BICDL1: variants seen among roughly 807,000 people sequenced by gnomAD.
BICDL1 encodes BICD family like cargo adaptor 1.
A neutral mutation model predicts 76.8 loss-of-function variants in BICDL1; 20 were observed. That is an observed-to-expected ratio of 0.26 (90% CI 0.18 to 0.38). BICDL1 has a LOEUF of 0.38. Ranked by LOEUF, BICDL1 falls within the 10% of genes least tolerant of loss-of-function variation. The pLI is 1.00. For missense variants in BICDL1, 700 were observed against 798.6 expected (o/e 0.88, Z 1.49); for synonymous variants, 383 against 337.1 (o/e 1.14, Z -1.49).
chr12:120,058,752 G>A (rs989764724), intron 2 of BICDL1, among the ~76,000 whole-genome samples: 4 of 151,698 alleles, frequency 2.6e-5, no homozygotes, highest in Non-Finnish European at 2.9e-5. Flanking sequence ...CACCACGCCC[G>A]CCTTATTTTT....
At chr12:120,069,044 T>G (rs1299778015) in intron 4 of BICDL1, among the ~76,000 whole-genome samples, 1 of 152,128 alleles carries the variant, frequency 6.6e-6, no homozygotes, top group Non-Finnish European at 1.5e-5. Context: ...TTTTCTAAGC[T>G]TCAGTTTTAT....
chr12:120,084,248 C>T lies in BICDL1; in HGVS notation c.1583+3231C>T, dbSNP rs545875697. Among the ~76,000 whole-genome samples the T allele has an allele frequency of 1.3e-3, 202 of 152,064 alleles. 2 individuals carry two copies. Among genetic ancestry groups the T allele is most frequent in the Non-Finnish European group, 2.2e-3 (150 of 67,976 alleles). ...CGATCTCCTGACCTTGTGAACCACC[C>T]GCCCTGGCCTCCCAAAGTGCTGGGA... On this transcript the variant is annotated intron_variant, in intron 8 of 9. Coordinates refer to ENST00000548673, the MANE Select transcript of BICDL1 (RefSeq NM_001367886.1).
chr12:120,044,890 G>T (rs1236519070), intron 2 of BICDL1, among the ~76,000 whole-genome samples: 1 of 152,110 alleles, frequency 6.6e-6, no homozygotes, highest in Non-Finnish European at 1.5e-5. Context: ...GGCGATGCGG[G>T]CTCTTTTTTG....
At chr12:120,003,478 C>T (rs1345756047) in intron 2 of BICDL1, among the ~76,000 whole-genome samples, 1 of 152,186 alleles carries the variant, frequency 6.6e-6, no homozygotes, top group Non-Finnish European at 1.5e-5. Context: ...TCCATGTACT[C>T]TTTAGAAGTG....
chr12:120,091,348 G>C, intron 9 of BICDL1: 3 of 1,000,792 alleles, frequency 3.0e-6, no homozygotes, highest in Non-Finnish European at 3.6e-6. Flanking sequence ...ATTGCTTAAA[G>C]TTAAAAAAAT....
intron 2 of BICDL1, among the ~76,000 whole-genome samples, chr12:120,025,600 T>C (rs1303319463): frequency 1.3e-5 from 2 of 152,212 alleles, no homozygotes; most frequent in Admixed American, 6.5e-5. Context: ...GACTCCCTAC[T>C]GCATAGCATT....
intron 2 of BICDL1, among the ~76,000 whole-genome samples, chr12:120,026,947 G>A (rs1952316246): frequency 6.6e-6 from 1 of 151,768 alleles, no homozygotes; most frequent in South Asian, 2.1e-4. Context: ...AATTCCATGG[G>A]AAAACTGGGA....
chr12:120,009,120 T>C (rs1276628203), intron 2 of BICDL1, among the ~76,000 whole-genome samples: 1 of 152,070 alleles, frequency 6.6e-6, no homozygotes, highest in Admixed American at 6.5e-5. Context: ...CCCGAGTAGC[T>C]GGGATTACAG....
intron 8 of BICDL1, among the ~76,000 whole-genome samples, chr12:120,089,301 T>G (rs945276543): frequency 7.9e-6 from 1 of 125,976 alleles, no homozygotes; most frequent in African/African-American, 4.3e-5. Context: ...TGTGTGTGTG[T>G]GTGGGGTGTG....
chr12:120,082,150 G>A (rs1197465994), intron 8 of BICDL1, among the ~76,000 whole-genome samples: 2 of 152,106 alleles, frequency 1.3e-5, no homozygotes, highest in Non-Finnish European at 2.9e-5. Context: ...TTTATTTGTT[G>A]AAGAAAGTGG....
chr12:120,077,550 T>C (rs1021264122), intron 7 of BICDL1, among the ~76,000 whole-genome samples: 4 of 151,844 alleles, frequency 2.6e-5, no homozygotes, highest in Admixed American at 6.6e-5. Flanking sequence ...GCATCCCATT[T>C]CTGTTGTTTG....
intron 2 of BICDL1, among the ~76,000 whole-genome samples, chr12:120,041,007 A>T (rs1463682388): frequency 6.6e-6 from 1 of 152,182 alleles, no homozygotes; most frequent in Non-Finnish European, 1.5e-5. Context: ...TCACCCTCCC[A>T]AAGTGCTGAG....
intron 4 of BICDL1, among the ~76,000 whole-genome samples, chr12:120,070,151 T>G (rs1872977060): frequency 6.6e-6 from 1 of 152,254 alleles, no homozygotes; most frequent in Non-Finnish European, 1.5e-5. Flanking sequence ...AAAAGTGGAA[T>G]TGCTGGATCA....
Position 119,998,737 on chromosome 12 carries a change from G to A in BICDL1, c.645+1G>A, listed in dbSNP as rs1951700823. The A allele has an allele frequency of 6.2e-7, 1 of 1,612,446 alleles. No homozygotes were observed. Among genetic ancestry groups the A allele is most frequent in the Non-Finnish European group, 8.5e-7 (1 of 1,179,258 alleles). On this transcript the variant is annotated splice_donor_variant, in intron 2 of 9. Transcript: ENST00000548673. LOFTEE classifies it high-confidence loss of function. ...AAGGCTATTGGATCAGCTCAGCAGG[G>A]TGAGTCACAAATTAAGAATTTAAGA...
intron 8 of BICDL1, among the ~76,000 whole-genome samples, chr12:120,085,069 A>G (rs758661680): frequency 6.6e-6 from 1 of 152,092 alleles, no homozygotes; most frequent in South Asian, 2.1e-4. Flanking sequence ...TCATTTTAGA[A>G]ATTATTCTTG....
intron 2 of BICDL1, among the ~76,000 whole-genome samples, chr12:120,002,590 C>T: frequency 6.6e-6 from 1 of 152,206 alleles, no homozygotes; most frequent in South Asian, 2.1e-4. Context: ...CATTACCCTC[C>T]TCTAAAGACT....
chr12:120,000,825 C>T (rs772754850), intron 2 of BICDL1, among the ~76,000 whole-genome samples: 2 of 152,052 alleles, frequency 1.3e-5, no homozygotes, highest in Admixed American at 6.6e-5. Flanking sequence ...AAAATTATGC[C>T]TCATACAAGT....
At position 119,990,272 on chromosome 12, in the gene BICDL1, A is replaced by G; in HGVS notation, c.404A>G (p.His135Arg). The change falls in exon 1 of 10, where the codon CAT becomes CGT. Residue 135 changes from histidine (H) to arginine (R), a missense_variant. Physicochemically the swap from His to Arg is conservative, Grantham distance 29. Coordinates refer to ENST00000548673, the MANE Select transcript of BICDL1 (RefSeq NM_001367886.1). Reference sequence around the variant, plus strand: ...ATGAGCCGGCAGTACGAGCAGATGCATAAGGAGCTGACAGACAAGCTCGAG... The same window carrying G: ...ATGAGCCGGCAGTACGAGCAGATGCGTAAGGAGCTGACAGACAAGCTCGAG... ...QDMSRQYEQM[H>R]KELTDKLEHL... The G allele has an allele frequency of 1.9e-6, 3 of 1,573,702 alleles. No homozygotes were observed. The highest frequency in any genetic ancestry group is 2.3e-5 in the South Asian group (2 of 85,490).
At chr12:120,073,885 T>C (rs188770519) in intron 6 of BICDL1, among the ~76,000 whole-genome samples, 3 of 152,320 alleles carry the variant, frequency 2.0e-5, no homozygotes, top group Admixed American at 6.5e-5. Flanking sequence ...TGAACATCTG[T>C]TTGCAGGTTG....
Sources: allele counts gnomAD v4.1 joint callset (sites outside exome capture counted in the v4.1 genomes callset), GRCh38; gene constraint gnomAD v4.1.1; transcripts MANE v1.5; gene names NCBI Gene and HGNC (gene_info 2026-07-23, HGNC 2026-07-21).